GRK5: variants seen among roughly 807,000 people sequenced by gnomAD.
GRK5 encodes G protein-coupled receptor kinase 5, also known as g protein-coupled receptor kinase GRK5.
In GRK5, 40 loss-of-function variants were observed where a neutral mutation model predicts 78.4. That is an observed-to-expected ratio of 0.51 (90% CI 0.40 to 0.66). GRK5 has a LOEUF of 0.66. GRK5 is among the 30% of genes least tolerant of loss of function. The probability of loss-of-function intolerance (pLI) is 0.00; values close to 1 mark genes in which losing one functional copy is unlikely to be tolerated. For missense variants in GRK5, 598 were observed against 759.9 expected, an observed-to-expected ratio of 0.79 and a Z score of 2.50; for synonymous variants, 289 against 296.8, an observed-to-expected ratio of 0.97 and a Z score of 0.27.
At chr10:119,311,586 A>G (rs1850360127) in intron 1 of GRK5, among the ~76,000 whole-genome samples, 1 of 152,190 alleles carries the variant, frequency 6.6e-6, no homozygotes, top group African/African-American at 2.4e-5. Flanking sequence ...CAGGAGTTTG[A>G]GATCAGCCTG....
intron 1 of GRK5, among the ~76,000 whole-genome samples, chr10:119,290,764 C>A (rs61874514): frequency 6.6e-6 from 1 of 152,008 alleles, no homozygotes; most frequent in Non-Finnish European, 1.5e-5. Flanking sequence ...CTGGGTTTCC[C>A]CTTCTGTGTG....
intron 1 of GRK5, among the ~76,000 whole-genome samples, chr10:119,315,261 GGAGTCATGTTGCTTCTGAAAAGGCTT>G (rs1850467160): frequency 6.6e-6 from 1 of 152,210 alleles, no homozygotes; most frequent in Non-Finnish European, 1.5e-5. Flanking sequence ...ACACTTGGCT[GGAGTCATGTTGCTTCTGAAAAGGCTT>G]GAGTCACTCG....
chr10:119,320,113 G>A (rs1850558068), intron 1 of GRK5, among the ~76,000 whole-genome samples: 1 of 152,220 alleles, frequency 6.6e-6, no homozygotes, highest in Non-Finnish European at 1.5e-5. Context: ...GGCAGAGAAA[G>A]CCATGCCTGT....
intron 4 of GRK5, among the ~76,000 whole-genome samples, chr10:119,417,063 C>T (rs1344375992): frequency 2.6e-5 from 4 of 152,188 alleles, no homozygotes; most frequent in Non-Finnish European, 5.9e-5. Context: ...GAAGCAATGG[C>T]ACCACCTTGT....
At chr10:119,446,194 G>T (rs1193818716) in intron 12 of GRK5, among the ~76,000 whole-genome samples, 2 of 152,182 alleles carry the variant, frequency 1.3e-5, no homozygotes, top group Non-Finnish European at 2.9e-5. Flanking sequence ...GTGTCCACCT[G>T]ATAGCATGAT....
At chr10:119,371,384 C>T (rs947541293) in intron 2 of GRK5, among the ~76,000 whole-genome samples, 9 of 152,286 alleles carry the variant, frequency 5.9e-5, no homozygotes, top group Admixed American at 6.5e-5. Flanking sequence ...CCACATACTG[C>T]AGGCTCTTAA....
intron 15 of GRK5, 133 bp downstream of exon 15, chr10:119,453,409 GC>G: frequency 9.8e-7 from 1 of 1,022,686 alleles, no homozygotes; most frequent in Non-Finnish European, 1.4e-6. Flanking sequence ...GCTTGGAAGG[GC>G]AACTGATTAT....
intron 1 of GRK5, among the ~76,000 whole-genome samples, chr10:119,244,983 C>G (rs936326554): frequency 2.0e-5 from 3 of 151,972 alleles, no homozygotes; most frequent in Non-Finnish European, 4.4e-5. Flanking sequence ...GGTTTTTATC[C>G]AAAAGAATTC....
rs1264897736 is a variant in GRK5, at chr10:119,430,749, G to T, written c.597+311G>T. Among the ~76,000 whole-genome samples the T allele has an allele frequency of 2.0e-5, 3 of 152,138 alleles. No individual in the cohort carries two copies. Among genetic ancestry groups the T allele is most frequent in the Non-Finnish European group, 2.9e-5 (2 of 68,012 alleles). On this transcript the variant is annotated intron_variant, in intron 7 of 15. Transcript: ENST00000392870. This position sits in a 1 kb window ranked among gnomAD's most constrained non-coding sequence, Gnocchi z 4.5. ...GTGTGTGGGGAGGAGATGTGAGGGCGTGAGGAGGCTGGGCAACCTTGGCCA... is the reference window on the plus strand; with the variant it reads ...GTGTGTGGGGAGGAGATGTGAGGGCTTGAGGAGGCTGGGCAACCTTGGCCA...
intron 8 of GRK5, among the ~76,000 whole-genome samples, chr10:119,436,205 C>T (rs1387226581): frequency 1.3e-5 from 2 of 152,230 alleles, no homozygotes; most frequent in Non-Finnish European, 2.9e-5. Context: ...GGCCATGTTC[C>T]ACTTCCCAAA....
chr10:119,426,768 C>T (rs1589803710), intron 6 of GRK5, among the ~76,000 whole-genome samples: 1 of 151,646 alleles, frequency 6.6e-6, no homozygotes, highest in East Asian at 1.9e-4. Flanking sequence ...CCATCATCAT[C>T]AGTATACCGC....
intron 4 of GRK5, among the ~76,000 whole-genome samples, chr10:119,410,226 T>C (rs1301204333): frequency 6.6e-6 from 1 of 152,178 alleles, no homozygotes; most frequent in East Asian, 1.9e-4. Context: ...GGGGTCTGGG[T>C]CAGGGTCACT....
chr10:119,311,969 A>C (rs1010951164), intron 1 of GRK5, among the ~76,000 whole-genome samples: 2 of 139,482 alleles, frequency 1.4e-5, no homozygotes, highest in Admixed American at 1.5e-4. Context: ...AGGCTGGAGT[A>C]GAGTGGCGCG....
chr10:119,220,419 C>G (rs1166348329), intron 1 of GRK5, among the ~76,000 whole-genome samples: 2 of 152,168 alleles, frequency 1.3e-5, no homozygotes, highest in Non-Finnish European at 2.9e-5. Flanking sequence ...TGGTTGGTTC[C>G]ATGGGTTACG....
At position 119,387,317 on chromosome 10, in the gene GRK5, TA is replaced by T. The variant is rs1851816676; in HGVS notation, c.261+6392del. ...CCGTGCCCGGCCTTCTGTGCAGTCT[TA>T]ATGTCCACATTTCTCAAGTCAAGTG... On this transcript the variant is annotated intron_variant, in intron 3 of 15. Transcript: ENST00000392870. Among the ~76,000 whole-genome samples, 5 of 152,200 alleles carry T rather than the reference TA, an allele frequency of 3.3e-5. No homozygotes were observed. The South Asian group carries it at 1.0e-3, about 32-fold the overall frequency.
At chr10:119,365,339 C>A (rs1334313070) in intron 2 of GRK5, among the ~76,000 whole-genome samples, 1 of 152,118 alleles carries the variant, frequency 6.6e-6, no homozygotes, top group Non-Finnish European at 1.5e-5. Context: ...GCTTTTTTCC[C>A]CCTCTTGATG....
intron 3 of GRK5, among the ~76,000 whole-genome samples, chr10:119,384,868 C>T (rs1031606257): frequency 1.3e-5 from 2 of 152,076 alleles, no homozygotes; most frequent in African/African-American, 4.8e-5. Flanking sequence ...ATGGAATGTT[C>T]GAAGGTGAGA....
At chr10:119,243,697 C>T (rs924180278) in intron 1 of GRK5, among the ~76,000 whole-genome samples, 5 of 151,566 alleles carry the variant, frequency 3.3e-5, no homozygotes, top group Admixed American at 6.6e-5. Context: ...AGCTTCTTTT[C>T]TGAAAACCAG....
intron 1 of GRK5, among the ~76,000 whole-genome samples, chr10:119,324,550 C>T (rs1850642080): frequency 6.6e-6 from 1 of 152,116 alleles, no homozygotes; most frequent in Non-Finnish European, 1.5e-5. Flanking sequence ...ATCGCTTGAA[C>T]CCGGGAGAGG....
Sources: allele counts gnomAD v4.1 joint callset (sites outside exome capture counted in the v4.1 genomes callset), GRCh38; gene constraint gnomAD v4.1.1; non-coding constraint Gnocchi (gnomAD v3.1); transcripts MANE v1.5; gene names NCBI Gene and HGNC (gene_info 2026-07-23, HGNC 2026-07-21).